The following USP34 variants were observed in gnomAD, a reference collection of about 807,000 sequenced individuals.
The protein encoded by USP34 is ubiquitin specific peptidase 34.
USP34 carries 70 observed loss-of-function variants against 460.3 expected under a neutral mutation model. That is an observed-to-expected ratio of 0.15 (90% CI 0.13 to 0.19). USP34 has a LOEUF of 0.19. USP34 is among the 10% of genes least tolerant of loss of function. The pLI is 1.00. For synonymous variants in USP34, 1,647 were observed against 1,405.3 expected (o/e 1.17, Z -3.85); for missense variants, 3,985 against 4,236.2 (o/e 0.94, Z 1.65).
At chr2:61,392,534 C>T (rs932079653) in intron 5 of USP34, among the ~76,000 whole-genome samples, 1 of 151,866 alleles carries the variant, frequency 6.6e-6, no homozygotes, top group Admixed American at 6.6e-5. Context: ...TGAGGCAGGA[C>T]AACTGCTTGA....
chr2:61,187,858 A>C lies in USP34; in HGVS notation c.*244T>G. The C allele has an allele frequency of 7.7e-7, 1 of 1,297,766 alleles. No individual in the cohort carries two copies. Among genetic ancestry groups the C allele is most frequent in the Non-Finnish European group, 9.9e-7 (1 of 1,007,406 alleles). The allele number at this position is 1,297,766 out of a possible 1,614,324, so 80.4% of individuals were successfully genotyped here. A position where few individuals can be genotyped will look rare whatever the true frequency, so the allele number is the denominator to read the frequency against. On this transcript the variant is annotated 3_prime_UTR_variant, in exon 80 of 80. Transcript: ENST00000398571. ...CAGCCATATTAAATGAAAGCCACTA[A>C]AGTGAACTCTTAATTACATAAAACA... is the stretch of plus-strand genomic sequence containing the variant.
Position 61,423,362 on chromosome 2 carries a change from T to C in USP34, c.44-2529A>G, listed in dbSNP as rs1694417580. Among the ~76,000 whole-genome samples, 10 of 152,250 alleles carry C rather than the reference T, an allele frequency of 6.6e-5. No individual in the cohort carries two copies. The Middle Eastern group carries it at 0.027, about 414-fold the overall frequency. ...CCTGATCATAAGTGATATGCCCGCCTCAGCCTCCCAAAGTGCTGGGATTAC... is the reference window on the plus strand; with the variant it reads ...CCTGATCATAAGTGATATGCCCGCCCCAGCCTCCCAAAGTGCTGGGATTAC... On this transcript the variant is annotated intron_variant, in intron 1 of 79. Coordinates refer to ENST00000398571, the MANE Select transcript of USP34 (RefSeq NM_014709.4).
rs533515869 is a variant in USP34 at position 61,230,333 on chromosome 2, C to G, written c.7114-700G>C. Among the ~76,000 whole-genome samples, 135 of 152,256 alleles carry G rather than the reference C, an allele frequency of 8.9e-4. No individual in the cohort carries two copies. The Middle Eastern group carries it at 0.027, about 31-fold the overall frequency. ...CTGAGGTCAGGAGTTCGAGACCAGC[C>G]TAGCCAACATGGCAAAACCCCACTT... On this transcript the variant is annotated intron_variant, in intron 58 of 79. Transcript: ENST00000398571.
intron 12 of USP34, 59 bp from the exon 13 acceptor site, chr2:61,349,344 C>T (rs1360647244): frequency 1.4e-5 from 21 of 1,544,494 alleles, no homozygotes; most frequent in Non-Finnish European, 1.9e-5. Context: ...TTCTTTGAGA[C>T]AGCGTATCAG....
intron 68 of USP34, among the ~76,000 whole-genome samples, chr2:61,213,455 G>A (rs1687324104): frequency 6.6e-6 from 1 of 152,100 alleles, no homozygotes; most frequent in South Asian, 2.1e-4. Flanking sequence ...GAGAATAAGA[G>A]GCAACAGTGA....
intron 23 of USP34, 150 bp downstream of exon 23, chr2:61,317,504 G>A (rs1183459651): frequency 1.3e-5 from 8 of 616,670 alleles, no homozygotes; most frequent in African/African-American, 3.7e-5. Flanking sequence ...TACAGCCTGA[G>A]CAACAGAGAT....
chr2:61,445,739 C>T (rs763224680), intron 1 of USP34, among the ~76,000 whole-genome samples: 54 of 151,994 alleles, frequency 3.6e-4, no homozygotes, highest in Non-Finnish European at 6.5e-4. Context: ...AAGCGGATCA[C>T]GAGGTCAGGA....
Position 61,283,180 on chromosome 2 carries a change from C to A in USP34, c.4963G>T (p.Asp1655Tyr), listed in dbSNP as rs1689586347. 1 of 1,613,516 alleles carries A rather than the reference C, an allele frequency of 6.2e-7. No homozygotes were observed. The highest frequency in any genetic ancestry group is 8.5e-7 in the Non-Finnish European group (1 of 1,179,698). The change falls in exon 37 of 80, where the codon GAT becomes TAT. Residue 1655 changes from aspartate to tyrosine, a missense_variant. Asp to Tyr is a radical substitution (Grantham distance 160). Transcript: ENST00000398571. The part of the protein sequence containing the change: ...SSLADSDHLQ[D>Y]WLKKLTLLIP... Reference sequence around the variant, plus strand: ...AGGAGAGTCAATTTCTTTAGCCAATCTTGTAAATGATCGCTATCAGCAAGG... The same window carrying A: ...AGGAGAGTCAATTTCTTTAGCCAATATTGTAAATGATCGCTATCAGCAAGG...
intron 3 of USP34, among the ~76,000 whole-genome samples, chr2:61,404,413 G>C (rs1341294153): frequency 6.6e-6 from 1 of 152,052 alleles, no homozygotes; most frequent in African/African-American, 2.4e-5. Context: ...CTACCCCTTT[G>C]AATCTGGGCT....
At chr2:61,365,507 G>A (rs187748662) in intron 10 of USP34, among the ~76,000 whole-genome samples, 1 of 152,060 alleles carries the variant, frequency 6.6e-6, no homozygotes, top group East Asian at 1.9e-4. Flanking sequence ...AAACAAAAGA[G>A]ACATTTCAAG....
At chr2:61,340,917 T>C (rs1691578656) in intron 16 of USP34, among the ~76,000 whole-genome samples, 1 of 151,858 alleles carries the variant, frequency 6.6e-6, no homozygotes, top group Non-Finnish European at 1.5e-5. Flanking sequence ...TTTCATAATT[T>C]TATCGAAATA....
rs527420753 is a variant in USP34 at position 61,385,889 on chromosome 2, G to A, written c.754-2553C>T. ...CGCGCACCTGTAATCCCAGCTACTT[G>A]GGATGCTGAGACAGGAGAATCACTT... On this transcript the variant is annotated intron_variant, in intron 5 of 79. Transcript: ENST00000398571. Among the ~76,000 whole-genome samples, 3 of 151,026 alleles carry A rather than the reference G, an allele frequency of 2.0e-5. No individual in the cohort carries two copies. The East Asian group carries it at 5.9e-4, about 30-fold the overall frequency.
chr2:61,235,797 A>G (rs1362529359), intron 57 of USP34, 48 bp downstream of exon 57: 1 of 1,581,806 alleles, frequency 6.3e-7, no homozygotes, highest in African/African-American at 1.4e-5. Flanking sequence ...GGGGGGGAAA[A>G]AAAAAAGAAT....
intron 3 of USP34, among the ~76,000 whole-genome samples, chr2:61,400,322 G>C (rs1693677173): frequency 6.6e-6 from 1 of 152,082 alleles, no homozygotes; most frequent in South Asian, 2.1e-4. Context: ...TGTTAGCCAA[G>C]ATGGTCTTGA....
intron 69 of USP34, 83 bp from the exon 70 acceptor site, chr2:61,209,060 A>G: frequency 1.2e-6 from 1 of 812,074 alleles, no homozygotes; most frequent in Non-Finnish European, 1.8e-6. Flanking sequence ...AAGAAATAAA[A>G]TCATCATTTA....
At chr2:61,396,494 T>G (rs1307948636) in intron 3 of USP34, among the ~76,000 whole-genome samples, 1 of 146,944 alleles carries the variant, frequency 6.8e-6, no homozygotes, top group African/African-American at 2.5e-5. Flanking sequence ...CCAGCTAATT[T>G]TTTTTTTTTT....
At chr2:61,302,796 CTTT>C (rs1315723289) in intron 27 of USP34, among the ~76,000 whole-genome samples, 1 of 152,098 alleles carries the variant, frequency 6.6e-6, no homozygotes, top group Non-Finnish European at 1.5e-5. Context: ...TCTCCCAGGA[CTTT>C]TTTGTTTTTT....
At chr2:61,347,758 A>T in intron 15 of USP34, 112 bp downstream of exon 15, 4 of 1,489,014 alleles carry the variant, frequency 2.7e-6, no homozygotes, top group Non-Finnish European at 3.6e-6. Context: ...TATAGTTTGC[A>T]CTATACTACT....
intron 41 of USP34, among the ~76,000 whole-genome samples, chr2:61,273,836 G>C (rs1208630268): frequency 1.3e-5 from 2 of 151,944 alleles, no homozygotes; most frequent in African/African-American, 4.8e-5. Flanking sequence ...ACATATGGTA[G>C]TTTATTTGAA....
Sources: gnomAD v4.1 joint callset for allele counts (sites outside exome capture counted in the v4.1 genomes callset) on GRCh38, gnomAD v4.1.1 for gene constraint, MANE v1.5 for transcripts, NCBI Gene and HGNC (gene_info 2026-07-23, HGNC 2026-07-21) for gene names.